The following CCDC149 variants were observed in gnomAD, a reference collection of about 807,000 sequenced individuals.
The protein encoded by CCDC149 is coiled-coil domain-containing protein 149.
In CCDC149, 45 loss-of-function variants were observed where a neutral mutation model predicts 59.9. That is an observed-to-expected ratio of 0.75 (90% CI 0.59 to 0.96). CCDC149 has a LOEUF of 0.96. CCDC149 is among the 40% of genes least tolerant of loss of function. CCDC149 has a pLI of 0.00. For synonymous variants in CCDC149, 245 were observed against 260.6 expected (o/e 0.94, Z 0.58); for missense variants, 584 against 664.7 (o/e 0.88, Z 1.33).
intron 1 of CCDC149, among the ~76,000 whole-genome samples, chr4:24,936,461 T>C (rs916996289): frequency 3.3e-5 from 5 of 152,190 alleles, no homozygotes; most frequent in African/African-American, 7.2e-5. Flanking sequence ...GTTTATGGGA[T>C]ATAATGTAAT....
chr4:24,894,902 C>G, intron 1 of CCDC149: 1 of 1,493,932 alleles, frequency 6.7e-7, no homozygotes, highest in Non-Finnish European at 9.0e-7. Context: ...CTCATGCCAG[C>G]CATTTAGGCT....
chr4:24,948,923 C>T (rs903344012), intron 1 of CCDC149, among the ~76,000 whole-genome samples: 4 of 152,214 alleles, frequency 2.6e-5, no homozygotes, highest in Non-Finnish European at 2.9e-5. Context: ...TTGCCATCCA[C>T]TATGTAAGAT....
intron 1 of CCDC149, among the ~76,000 whole-genome samples, chr4:24,897,592 C>A (rs1720914183): frequency 6.6e-6 from 1 of 152,114 alleles, no homozygotes; most frequent in Admixed American, 6.5e-5. Context: ...TCTTTGTGAG[C>A]AATTGCAGTC....
chr4:24,928,370 G>A (rs1168127586), intron 1 of CCDC149, among the ~76,000 whole-genome samples: 3 of 152,226 alleles, frequency 2.0e-5, no homozygotes, highest in Admixed American at 6.5e-5. Context: ...GCGAAGGGGA[G>A]GAGAGGGTAG....
chr4:24,814,350 G>GAATA (rs1686809929), intron 12 of CCDC149, among the ~76,000 whole-genome samples: 1 of 152,154 alleles, frequency 6.6e-6, no homozygotes, highest in Non-Finnish European at 1.5e-5. Flanking sequence ...ATAGATGTGT[G>GAATA]AATAAATCAA....
intron 1 of CCDC149, chr4:24,895,010 C>T (rs938263195): frequency 8.5e-6 from 13 of 1,536,118 alleles, no homozygotes; most frequent in South Asian, 5.9e-5. Context: ...CCCAAGTGGC[C>T]GCTCTGGCGA....
intron 1 of CCDC149, among the ~76,000 whole-genome samples, chr4:24,902,115 T>C (rs1280417814): frequency 6.6e-6 from 1 of 152,258 alleles, no homozygotes; most frequent in Non-Finnish European, 1.5e-5. Context: ...GGTTGAAAAC[T>C]ACACGATAAG....
At chr4:24,929,877 A>G (rs1353369194) in intron 1 of CCDC149, among the ~76,000 whole-genome samples, 8 of 151,922 alleles carry the variant, frequency 5.3e-5, no homozygotes, top group Admixed American at 2.0e-4. Context: ...CGTCTCTCTG[A>G]CTCTCTGCCT....
At chr4:24,818,205 G>A (rs760079432) in intron 12 of CCDC149, among the ~76,000 whole-genome samples, 19 of 152,174 alleles carry the variant, frequency 1.2e-4, no homozygotes, top group Middle Eastern at 3.2e-3. Context: ...GTTGACAGTG[G>A]TTGATGGCTC....
rs763702658 is a variant in CCDC149, at chr4:24,808,637, T to C, written c.1375A>G (p.Arg459Gly). ...TCCTTTGTCAGTTTAATTATTTCCC[T>C]CCCAAGGCTGTTTACTTCTTCCTCA... Residue 459 changes from arginine (R) to glycine (G), a missense_variant, in exon 13 of 13, where the codon AGG becomes GGG. Physicochemically the swap from Arg to Gly is moderately radical, Grantham distance 125. Coordinates refer to ENST00000635206, the MANE Select transcript of CCDC149 (RefSeq NM_001330643.2). 3 of 1,552,366 alleles carry C rather than the reference T, an allele frequency of 1.9e-6. 1 individual carries two copies. The South Asian group carries it at 3.6e-5, about 18-fold the overall frequency.
At position 24,808,416 on chromosome 4, in the gene CCDC149, T is replaced by C; in HGVS notation, c.1596A>G (p.Gly532=). The change falls in exon 13 of 13, where the codon GGA becomes GGG. Residue 532 remains glycine, a synonymous_variant. Coordinates refer to ENST00000635206, the MANE Select transcript of CCDC149 (RefSeq NM_001330643.2). ...AGGTTTTCACGGTGCTCCTCATGCC[T>C]CCGCCCTCTGGGATCCCTTTGCCGT... The C allele has an allele frequency of 6.9e-7, 1 of 1,458,190 alleles. No individual in the cohort carries two copies. Among genetic ancestry groups the C allele is most frequent in the South Asian group, 1.5e-5 (1 of 67,486 alleles). 90.3% of individuals were successfully genotyped at this position (1,458,190 alleles called of 1,614,324 possible). A position where few individuals can be genotyped will look rare whatever the true frequency, so the allele number is the denominator to read the frequency against.
At chr4:24,883,507 G>C (rs1011781211) in intron 1 of CCDC149, among the ~76,000 whole-genome samples, 1 of 152,116 alleles carries the variant, frequency 6.6e-6, no homozygotes, top group African/African-American at 2.4e-5. Flanking sequence ...GATTATGTTT[G>C]ATGTGAATTT....
Position 24,947,318 on chromosome 4 carries a change from G to A in CCDC149, c.-65+32751C>T, listed in dbSNP as rs942997283. On this transcript the variant is annotated intron_variant, in intron 1 of 12. Transcript: ENST00000389609. ...TGAGTGAGTTCTCATGAGATCTGAT[G>A]GTTTTATAAGGGGCTTTTCCTCTTT... Among the ~76,000 whole-genome samples the A allele has an allele frequency of 6.6e-5, 10 of 152,222 alleles. No individual in the cohort carries two copies. In the South Asian group the frequency reaches 1.2e-3, roughly 19 times the overall value.
At position 24,880,226 on chromosome 4, in the gene CCDC149, A is replaced by G. The variant is rs115049598; in HGVS notation, c.64-3529T>C. ...ATACACAAATATGTATCATTGTGTT[A>G]CAATTGCCTTGTATTCAGTACAGTA... On this transcript the variant is annotated intron_variant, in intron 1 of 12. Transcript: ENST00000635206. Among the ~76,000 whole-genome samples the G allele has an allele frequency of 4.0e-3, 611 of 152,346 alleles. 8 individuals carry two copies. Among genetic ancestry groups the G allele is most frequent in the African/African-American group, 0.014 (570 of 41,568 alleles).
intron 1 of CCDC149, among the ~76,000 whole-genome samples, chr4:24,967,689 C>T (rs138542323): frequency 1.4e-3 from 217 of 150,996 alleles, no homozygotes; most frequent in Non-Finnish European, 2.1e-3. Context: ...TGGCAATGTC[C>T]AGAAGGGGTC....
At chr4:24,953,641 T>C (rs866620877) in intron 1 of CCDC149, among the ~76,000 whole-genome samples, 2 of 152,166 alleles carry the variant, frequency 1.3e-5, no homozygotes. Context: ...ACAAAAATAC[T>C]TCAAAGCATG....
At chr4:24,857,025 T>G (rs800474) in intron 3 of CCDC149, among the ~76,000 whole-genome samples, 119,765 of 152,158 alleles carry the variant, frequency 0.79, 47,156 homozygotes, top group East Asian at 0.91. Context: ...CACCTAAACC[T>G]TCATTTAGCG....
intron 1 of CCDC149, among the ~76,000 whole-genome samples, chr4:24,967,034 G>A (rs1723822330): frequency 1.3e-5 from 2 of 152,172 alleles, no homozygotes; most frequent in Admixed American, 6.5e-5. Flanking sequence ...AGGACGGTCA[G>A]TGAAAGTGAA....
chr4:24,834,832 T>C, intron 8 of CCDC149, 116 bp downstream of exon 8: 1 of 658,704 alleles, frequency 1.5e-6, no homozygotes, highest in Admixed American at 2.5e-5. Flanking sequence ...GGAGCCACTG[T>C]TCTATGGATC....
Sources: gnomAD v4.1 joint callset for allele counts (sites outside exome capture counted in the v4.1 genomes callset) on GRCh38, gnomAD v4.1.1 for gene constraint, MANE v1.5 for transcripts, NCBI Gene and HGNC (gene_info 2026-07-23, HGNC 2026-07-21) for gene names.